RBM47: variants seen among roughly 807,000 people sequenced by gnomAD.
RBM47 encodes the protein RNA-binding protein 47.
A neutral mutation model predicts 47.1 loss-of-function variants in RBM47; 21 were observed. The observed-to-expected ratio is 0.45, with a 90% CI of 0.32 to 0.64. The LOEUF (loss-of-function observed/expected upper bound fraction) is 0.64, where lower values mean the gene tolerates loss of function less well. Among genes scored for constraint, RBM47 ranks in the 30% least tolerant of loss-of-function variants. The pLI, the probability that RBM47 is intolerant of heterozygous loss-of-function variation, is 0.05. For missense variants in RBM47, 708 were observed against 870.9 expected, an observed-to-expected ratio of 0.81 and a Z score of 2.35; for synonymous variants, 375 against 361.7, an observed-to-expected ratio of 1.04 and a Z score of -0.42.
chr4:40,438,163 G>T lies in RBM47; in HGVS notation c.731C>A (p.Thr244Asn). ...EIDVDEDVME[T>N]VKILYVRNLM... is the part of the protein sequence containing the mutation. ...GTTGCGCACGTAGAGGATCTTCACG[G>T]TCTCCATCACGTCCTCGTCCACGTC... Residue 244 changes from threonine (T) to asparagine (N), a missense_variant, in exon 4 of 7, where the codon ACC becomes AAC. Physicochemically the swap from Thr to Asn is moderately conservative, Grantham distance 65 (BLOSUM62 0). Transcript: ENST00000295971. 1 of 1,611,728 alleles carries T rather than the reference G, an allele frequency of 6.2e-7. No individual in the cohort carries two copies.
chr4:40,568,952 G>A (rs1054752383), intron 1 of RBM47, among the ~76,000 whole-genome samples: 3 of 151,024 alleles, frequency 2.0e-5, no homozygotes, highest in Non-Finnish European at 4.4e-5. Flanking sequence ...TTGCACTCCA[G>A]CCTGGGCGAC....
chr4:40,548,007 G>A (rs950922136), intron 1 of RBM47, among the ~76,000 whole-genome samples: 2 of 152,234 alleles, frequency 1.3e-5, no homozygotes, highest in Non-Finnish European at 2.9e-5. Context: ...GGCTAGAAAT[G>A]TCAAGTTGAG....
At chr4:40,541,749 A>AT (rs1396370138) in intron 2 of RBM47, among the ~76,000 whole-genome samples, 7 of 152,284 alleles carry the variant, frequency 4.6e-5, no homozygotes, top group Admixed American at 2.6e-4. Context: ...AAAAAAAAAA[A>AT]GAAAAAGAAA....
chr4:40,509,861 C>G (rs1343227320), intron 2 of RBM47, among the ~76,000 whole-genome samples: 2 of 147,388 alleles, frequency 1.4e-5, no homozygotes, highest in Admixed American at 1.4e-4. Context: ...CCAGCCTGGG[C>G]GACAGAGTGA....
At chr4:40,490,360 G>T (rs554115353) in intron 2 of RBM47, among the ~76,000 whole-genome samples, 3 of 152,210 alleles carry the variant, frequency 2.0e-5, no homozygotes, top group East Asian at 3.9e-4. Flanking sequence ...GTTCATAGAT[G>T]ACGTAGTCAA....
At chr4:40,493,611 CTGTCTCTACCAAA>C (rs1722189898) in intron 2 of RBM47, among the ~76,000 whole-genome samples, 1 of 152,102 alleles carries the variant, frequency 6.6e-6, no homozygotes, top group South Asian at 2.1e-4. Context: ...TGGTGAAACC[CTGTCTCTACCAAA>C]TGTACAAAAA....
At chr4:40,576,947 C>G (rs1183885445) in intron 1 of RBM47, among the ~76,000 whole-genome samples, 4 of 152,106 alleles carry the variant, frequency 2.6e-5, no homozygotes, top group African/African-American at 9.7e-5. Context: ...GCTGGTGGAG[C>G]TGAGTGATTA....
chr4:40,594,619 T>C (rs1734591522), intron 1 of RBM47, among the ~76,000 whole-genome samples: 1 of 152,196 alleles, frequency 6.6e-6, no homozygotes, highest in Admixed American at 6.6e-5. Context: ...CTCTCTTGTC[T>C]CTGTTCCCTA....
intron 2 of RBM47, among the ~76,000 whole-genome samples, chr4:40,518,565 C>CA (rs966494312): frequency 2.6e-5 from 4 of 152,136 alleles, no homozygotes; most frequent in African/African-American, 9.7e-5. Flanking sequence ...AGGACAGACT[C>CA]AGAGAGGCTG....
intron 1 of RBM47, among the ~76,000 whole-genome samples, chr4:40,608,770 G>T (rs1735985861): frequency 6.6e-6 from 1 of 152,080 alleles, no homozygotes; most frequent in African/African-American, 2.4e-5. Context: ...TAAAATTCTG[G>T]CATGAAAGGC....
chr4:40,624,842 A>ATCTTT (rs1249113154), intron 1 of RBM47, among the ~76,000 whole-genome samples: 1 of 145,702 alleles, frequency 6.9e-6, no homozygotes, highest in East Asian at 2.0e-4. Flanking sequence ...TATTTAAGCC[A>ATCTTT]TCTTTTCTTT....
At chr4:40,460,908 A>AT (rs1491092035) in intron 3 of RBM47, among the ~76,000 whole-genome samples, 1 of 150,478 alleles carries the variant, frequency 6.6e-6, no homozygotes, top group Non-Finnish European at 1.5e-5. Context: ...AAAAAAAAAA[A>AT]AGATACTTAT....
At chr4:40,432,907 C>A in intron 5 of RBM47, 45 bp from the exon 6 acceptor site, 1 of 1,607,030 alleles carries the variant, frequency 6.2e-7, no homozygotes, top group Non-Finnish European at 8.5e-7. Context: ...CACTTTCAGT[C>A]GCTGAGTGGG....
chr4:40,532,648 T>C (rs4861035), intron 2 of RBM47, among the ~76,000 whole-genome samples: 14 of 138,720 alleles, frequency 1.0e-4, no homozygotes, highest in African/African-American at 4.3e-4. Flanking sequence ...CTTTTTTTTT[T>C]CTTTTTAAAT....
At chr4:40,621,399 C>G in intron 1 of RBM47, among the ~76,000 whole-genome samples, 1 of 152,160 alleles carries the variant, frequency 6.6e-6, no homozygotes, top group East Asian at 1.9e-4. Flanking sequence ...AATTGTTTTG[C>G]CACTTTGTAA....
chr4:40,454,934 T>C (rs1316837865), intron 3 of RBM47, among the ~76,000 whole-genome samples: 1 of 152,224 alleles, frequency 6.6e-6, no homozygotes, highest in African/African-American at 2.4e-5. Flanking sequence ...CTTACTTACT[T>C]ACAGCAGGTT....
chr4:40,496,938 G>T (rs921993016), intron 2 of RBM47, among the ~76,000 whole-genome samples: 2 of 151,764 alleles, frequency 1.3e-5, no homozygotes, highest in African/African-American at 4.8e-5. Flanking sequence ...CTACTCAGGA[G>T]GCTGAGGCAG....
intron 2 of RBM47, among the ~76,000 whole-genome samples, chr4:40,492,373 TAAAGA>T (rs993639704): frequency 7.3e-5 from 11 of 151,512 alleles, no homozygotes; most frequent in African/African-American, 2.4e-4. Flanking sequence ...CAAAAAAAAG[TAAAGA>T]AAAGAAAAAA....
At chr4:40,578,272 C>T (rs191039046) in intron 1 of RBM47, among the ~76,000 whole-genome samples, 200 of 147,406 alleles carry the variant, frequency 1.4e-3, no homozygotes, top group African/African-American at 4.8e-3. Context: ...CCTGTTGTCC[C>T]ATTCCTTACA....
Sources: gnomAD v4.1 joint callset for allele counts (sites outside exome capture counted in the v4.1 genomes callset) on GRCh38, gnomAD v4.1.1 for gene constraint, MANE v1.5 for transcripts, NCBI Gene and HGNC (gene_info 2026-07-23, HGNC 2026-07-21) for gene names.